Variants in DNMBP observed in about 807,000 individuals in gnomAD.
DNMBP encodes dynamin binding protein.
Under a neutral mutation model 150.0 loss-of-function variants are expected in DNMBP, and 87 were observed. That is an observed-to-expected ratio of 0.58 (90% confidence interval 0.49 to 0.69). The LOEUF is 0.69. Among genes scored for constraint, DNMBP ranks in the 30% least tolerant of loss-of-function variants. DNMBP has a pLI of 0.00. For missense variants in DNMBP, 1,774 were observed against 1,949.0 expected (o/e 0.91, Z 1.69); for synonymous variants, 711 against 750.4 (o/e 0.95, Z 0.86).
At chr10:99,911,942 T>C (rs976232343) in intron 4 of DNMBP, among the ~76,000 whole-genome samples, 16 of 152,202 alleles carry the variant, frequency 1.1e-4, no homozygotes, top group African/African-American at 2.7e-4. Context: ...AAGTTGAGAA[T>C]AGAAACTCAT....
chr10:99,987,070 G>A (rs962871317), intron 1 of DNMBP, among the ~76,000 whole-genome samples: 8 of 151,354 alleles, frequency 5.3e-5, no homozygotes, highest in African/African-American at 1.7e-4. Context: ...CGGGAGAATG[G>A]CATGAACCCG....
At chr10:99,918,953 A>G (rs952105384) in intron 4 of DNMBP, among the ~76,000 whole-genome samples, 5 of 152,214 alleles carry the variant, frequency 3.3e-5, no homozygotes, top group African/African-American at 1.2e-4. Flanking sequence ...AGCAAAGATA[A>G]TTTTTGTAAA....
rs1293308605 is a variant in DNMBP, at chr10:99,908,049, C to A, written c.2500G>T (p.Val834Leu). The A allele has an allele frequency of 1.1e-5, 17 of 1,614,000 alleles. No individual in the cohort carries two copies. The highest frequency in any genetic ancestry group is 1.4e-5 in the Non-Finnish European group (16 of 1,179,984). Residue 834 changes from valine (V) to leucine (L), a missense_variant, in exon 6 of 17, where the codon GTG becomes TTG. Transcript: ENST00000324109. ...AATAATTGCTTCGAGACCTTAATCA[C>A]CATCTGCATATTTCCAAAAAGTCCC... ...FEGLFGNMQM[V>L]IKVSKQLLAA...
intron 1 of DNMBP, among the ~76,000 whole-genome samples, chr10:99,978,184 T>A (rs1326227871): frequency 6.6e-6 from 1 of 152,228 alleles, no homozygotes; most frequent in Non-Finnish European, 1.5e-5. Flanking sequence ...GACAAATAGC[T>A]AAACCAGAAC....
chr10:99,944,397 T>C (rs192606020), intron 4 of DNMBP, among the ~76,000 whole-genome samples: 1 of 152,302 alleles, frequency 6.6e-6, no homozygotes, highest in East Asian at 1.9e-4. Flanking sequence ...TAGCACTAGG[T>C]AGTCCTGATC....
chr10:99,985,762 T>C (rs1300381148), intron 1 of DNMBP, among the ~76,000 whole-genome samples: 1 of 152,164 alleles, frequency 6.6e-6, no homozygotes, highest in Non-Finnish European at 1.5e-5. Flanking sequence ...TTCTTCTCTT[T>C]GTATGAAAGG....
At chr10:99,984,442 C>T (rs1047800127) in intron 1 of DNMBP, among the ~76,000 whole-genome samples, 1 of 152,172 alleles carries the variant, frequency 6.6e-6, no homozygotes, top group Non-Finnish European at 1.5e-5. Context: ...AGATGTAATA[C>T]ACATGACAGC....
Position 100,001,429 on chromosome 10 carries a change from T to TTTTG in DNMBP, c.-11+8408_-11+8409insCAAA, listed in dbSNP as rs1564760409. Among the ~76,000 whole-genome samples the TTTTG allele has an allele frequency of 5.1e-3, 737 of 144,366 alleles. 14 individuals carry two copies. Among genetic ancestry groups the TTTTG allele is most frequent in the African/African-American group, 0.018 (703 of 38,428 alleles). The allele number at this position is 144,366 out of a possible 152,430, so 94.7% of individuals were successfully genotyped here. Reference sequence around the variant, plus strand: ...GTTGTTGTTGTTTTTTTTTTTTTTTTGAGACAGGGTCTCACTCTGTTGCCC... The same window carrying TTTTG: ...GTTGTTGTTGTTTTTTTTTTTTTTTTTTTGGAGACAGGGTCTCACTCTGTTGCCC... On this transcript the variant is annotated intron_variant, in intron 1 of 16. Transcript: ENST00000324109.
Position 99,885,923 on chromosome 10 carries a change from C to G in DNMBP, c.3619-57G>C. 4 of 1,454,768 alleles carry G rather than the reference C, an allele frequency of 2.7e-6. No individual in the cohort carries two copies. The South Asian group carries it at 5.4e-5, about 20-fold the overall frequency. The allele number at this position is 1,454,768 out of a possible 1,614,324, so 90.1% of individuals were successfully genotyped here. On this transcript the variant is annotated intron_variant, in intron 13 of 16. Transcript: ENST00000324109. ...AAAGAAGAAAACACGATAAAAGATC[C>G]CAGAGAAAAGAAGAAAACATGATGA...
rs1024903670 is a variant in DNMBP at position 99,930,160 on chromosome 10, T to C, written c.2261-21014A>G. ...CTCCCAGGAACATGATATAAATTGC[T>C]GTGTTCTCTACAATAAAAATTAGTT... On this transcript the variant is annotated intron_variant, in intron 4 of 16. Coordinates refer to ENST00000324109, the MANE Select transcript of DNMBP (RefSeq NM_015221.4). 7 of 702,918 alleles carry C rather than the reference T, an allele frequency of 1.0e-5. No individual in the cohort carries two copies. The African/African-American group carries it at 1.0e-4, about 11-fold the overall frequency. 43.5% of individuals were successfully genotyped at this position (702,918 alleles called of 1,614,324 possible).
chr10:100,000,872 A>AC (rs2041000888), intron 1 of DNMBP, among the ~76,000 whole-genome samples: 1 of 146,348 alleles, frequency 6.8e-6, no homozygotes, highest in Non-Finnish European at 1.5e-5. Flanking sequence ...AAAAAAAAAA[A>AC]AAAAAAAAAA....
At chr10:99,981,234 T>C (rs1233092956) in intron 1 of DNMBP, among the ~76,000 whole-genome samples, 1 of 152,146 alleles carries the variant, frequency 6.6e-6, no homozygotes, top group Non-Finnish European at 1.5e-5. Flanking sequence ...CAGACTGGAG[T>C]GCAGTGGCTC....
At chr10:99,895,101 C>T in intron 10 of DNMBP, 51 bp from the exon 11 acceptor site, 5 of 980,928 alleles carry the variant, frequency 5.1e-6, no homozygotes, top group Non-Finnish European at 7.5e-6. Context: ...CTCCTTTAAT[C>T]TTACTGGCAA....
At chr10:99,892,105 C>T (rs559439845) in intron 11 of DNMBP, among the ~76,000 whole-genome samples, 2 of 140,524 alleles carry the variant, frequency 1.4e-5, no homozygotes, top group Admixed American at 6.8e-5. Context: ...CGCCTCTGCC[C>T]GGCCGCCCCT....
chr10:99,995,723 AGACAG>A (rs1396466174), intron 1 of DNMBP, among the ~76,000 whole-genome samples: 4 of 149,570 alleles, frequency 2.7e-5, no homozygotes, highest in African/African-American at 1.0e-4. Context: ...ATACACAGAG[AGACAG>A]GCTATTCTAT....
Position 99,879,808 on chromosome 10 carries a change from C to CA in DNMBP, c.4548+2dup, listed in dbSNP as rs2039334574. ...CACAGTGGCAGGCCTCTTACGCACT[C>CA]ACCTGGTTGCCTTCTGCCTCACTGC... On this transcript the variant is annotated splice_region_variant and intron_variant, in intron 16 of 16. Coordinates refer to ENST00000324109, the MANE Select transcript of DNMBP (RefSeq NM_015221.4). 1 of 1,613,628 alleles carries CA rather than the reference C, an allele frequency of 6.2e-7. No individual in the cohort carries two copies. Among genetic ancestry groups the CA allele is most frequent in the African/African-American group, 1.3e-5 (1 of 74,930 alleles).
At chr10:99,907,759 AGT>A (rs2039844299) in intron 6 of DNMBP, among the ~76,000 whole-genome samples, 1 of 152,170 alleles carries the variant, frequency 6.6e-6, no homozygotes, top group Non-Finnish European at 1.5e-5. Context: ...TGCAACCATG[AGT>A]GTGGAAAAAC....
intron 1 of DNMBP, among the ~76,000 whole-genome samples, chr10:99,988,381 G>A (rs550556704): frequency 3.2e-4 from 49 of 152,152 alleles, no homozygotes; most frequent in Admixed American, 1.3e-3. Flanking sequence ...TGCTCTGTTC[G>A]TGCCTGGCCC....
intron 4 of DNMBP, among the ~76,000 whole-genome samples, chr10:99,916,503 A>T (rs7342017): frequency 0.59 from 89,556 of 152,118 alleles, 27,123 homozygotes; most frequent in African/African-American, 0.74. Flanking sequence ...TCATACACAG[A>T]AAATATGCAA....
Sources: gnomAD v4.1 joint callset for allele counts (sites outside exome capture counted in the v4.1 genomes callset) on GRCh38, gnomAD v4.1.1 for gene constraint, MANE v1.5 for transcripts, NCBI Gene and HGNC (gene_info 2026-07-23, HGNC 2026-07-21) for gene names.